The following DNAH7 variants were observed in gnomAD, a reference collection of about 807,000 sequenced individuals.
DNAH7 encodes axonemal beta dynein heavy chain 7.
Under a neutral mutation model 444.6 loss-of-function variants are expected in DNAH7, and 397 were observed. The ratio of observed to expected loss-of-function variants is 0.89; its 90% CI spans 0.82 to 0.97. DNAH7 has a LOEUF of 0.97. Among genes scored for constraint, DNAH7 ranks in the 50% least tolerant of loss-of-function variants. The pLI is 0.00. For missense variants in DNAH7, 4,902 were observed against 4,800.8 expected, an observed-to-expected ratio of 1.02 and a Z score of -0.62; for synonymous variants, 1,636 against 1,624.4, an observed-to-expected ratio of 1.01 and a Z score of -0.17.
rs1285427708 is a variant in DNAH7 at position 196,036,978 on chromosome 2, C to T, written c.399-8931G>A. On this transcript the variant is annotated intron_variant, in intron 5 of 64. Coordinates refer to ENST00000312428, the MANE Select transcript of DNAH7 (RefSeq NM_018897.3). ...ACACACCCCTCCTGGGACCCAGATA[C>T]TGCCCTCCATGAGTCATACCAAATC... is the stretch of plus-strand genomic sequence containing the variant. 2.0e-5 allele frequency among the ~76,000 whole-genome samples: 3 copies of T among 152,048 alleles called. 1 individual carries two copies. The highest frequency in any genetic ancestry group is 4.1e-4 in the South Asian group (2 of 4,820).
At chr2:196,027,737 G>C (rs1695779418) in intron 6 of DNAH7, among the ~76,000 whole-genome samples, 1 of 152,032 alleles carries the variant, frequency 6.6e-6, no homozygotes, top group Admixed American at 6.6e-5. Context: ...TTAATATGGA[G>C]AGCAGGTAGA....
At chr2:195,923,313 T>C (rs986214643) in intron 23 of DNAH7, among the ~76,000 whole-genome samples, 2 of 152,184 alleles carry the variant, frequency 1.3e-5, no homozygotes, top group African/African-American at 4.8e-5. Context: ...TTAAAATGAG[T>C]AATTTTTGAT....
intron 47 of DNAH7, among the ~76,000 whole-genome samples, chr2:195,841,353 C>A (rs1698673919): frequency 6.6e-6 from 1 of 151,638 alleles, no homozygotes; most frequent in Non-Finnish European, 1.5e-5. Flanking sequence ...ATAACTATAT[C>A]AAACTTATTT....
chr2:195,922,080 G>T lies in DNAH7; in HGVS notation c.3935+8C>A. 6.7e-7 allele frequency: 1 copy of T among 1,500,104 alleles called. No individual in the cohort carries two copies. Among genetic ancestry groups the T allele is most frequent in the Non-Finnish European group, 9.3e-7 (1 of 1,077,142 alleles). The allele number at this position is 1,500,104 out of a possible 1,614,324, so 92.9% of individuals were successfully genotyped here. On this transcript the variant is annotated splice_region_variant and intron_variant, in intron 24 of 64. Coordinates refer to ENST00000312428, the MANE Select transcript of DNAH7 (RefSeq NM_018897.3). ...ATTTCCAATAGATCCTTAAATTAAA[G>T]GGTTTACCTGTAACATCTATCCGTG...
At position 195,803,927 on chromosome 2, in the gene DNAH7, T is replaced by C. The variant is rs568719615; in HGVS notation, c.10176+2813A>G. On this transcript the variant is annotated intron_variant, in intron 54 of 64. Coordinates refer to ENST00000312428, the MANE Select transcript of DNAH7 (RefSeq NM_018897.3). ...TAAACTATTAAATTCTAAAGGAAAG[T>C]GCAAGCCCATCTCATTTTTTCTACT... Among the ~76,000 whole-genome samples, 35 of 152,350 alleles carry C rather than the reference T, an allele frequency of 2.3e-4. No homozygotes were observed. The South Asian group carries it at 6.0e-3, about 26-fold the overall frequency.
At chr2:195,850,630 A>C (rs1249179447) in intron 46 of DNAH7, among the ~76,000 whole-genome samples, 2 of 152,150 alleles carry the variant, frequency 1.3e-5, no homozygotes, top group African/African-American at 4.8e-5. Context: ...TCAAGCTTGG[A>C]GGGGAAATGC....
chr2:195,785,295 G>A (rs879689729), intron 58 of DNAH7, among the ~76,000 whole-genome samples: 5 of 151,968 alleles, frequency 3.3e-5, no homozygotes, highest in East Asian at 3.9e-4. Flanking sequence ...GTCCTTTTTC[G>A]GATACGTCTT....
intron 12 of DNAH7, among the ~76,000 whole-genome samples, chr2:195,990,858 TATAC>T (rs1235988359): frequency 2.1e-5 from 3 of 144,828 alleles, no homozygotes; most frequent in Admixed American, 1.4e-4. Flanking sequence ...CTTAAATATA[TATAC>T]ATATATACTT....
At chr2:195,798,636 T>C (rs1696287753) in intron 55 of DNAH7, among the ~76,000 whole-genome samples, 1 of 147,056 alleles carries the variant, frequency 6.8e-6, no homozygotes, top group Admixed American at 7.0e-5. Context: ...CTCAGCCTCC[T>C]GGGTTCACGC....
At chr2:195,953,328 C>A (rs904828949) in intron 19 of DNAH7, among the ~76,000 whole-genome samples, 2 of 152,248 alleles carry the variant, frequency 1.3e-5, no homozygotes, top group Admixed American at 6.5e-5. Context: ...GAGGGGCACC[C>A]GCCAGATGCC....
At chr2:196,017,833 AT>A (rs1453037081) in intron 9 of DNAH7, among the ~76,000 whole-genome samples, 2 of 152,174 alleles carry the variant, frequency 1.3e-5, no homozygotes, top group African/African-American at 4.8e-5. Flanking sequence ...TGTTAAAAAA[AT>A]AAAAAAATTT....
chr2:195,923,243 A>T (rs1243110657), intron 23 of DNAH7, among the ~76,000 whole-genome samples: 4 of 152,108 alleles, frequency 2.6e-5, no homozygotes, highest in Non-Finnish European at 5.9e-5. Context: ...GAACCTAAAA[A>T]CACAATTTTA....
chr2:195,817,618 A>G, intron 50 of DNAH7, 78 bp downstream of exon 50: 1 of 1,402,106 alleles, frequency 7.1e-7, no homozygotes, highest in East Asian at 2.3e-5. Context: ...CTAACAAAAG[A>G]GATCTGTAAA....
At chr2:195,753,890 T>C (rs1396993933) in intron 63 of DNAH7, among the ~76,000 whole-genome samples, 1 of 152,214 alleles carries the variant, frequency 6.6e-6, no homozygotes, top group Non-Finnish European at 1.5e-5. Context: ...CTTAGGATTC[T>C]ATGAAGGTAT....
chr2:195,882,011 C>T lies in DNAH7; in HGVS notation c.5764-19G>A, dbSNP rs761373253. 8 of 1,599,940 alleles carry T rather than the reference C, an allele frequency of 5.0e-6. No homozygotes were observed. Among genetic ancestry groups the T allele is most frequent in the Non-Finnish European group, 6.8e-6 (8 of 1,168,746 alleles). ...CTATTCCCTGTTTATAATTAACAAC[C>T]AAGTAATGAATGCTATAAAATACTT... On this transcript the variant is annotated intron_variant, in intron 35 of 64. Coordinates refer to ENST00000312428, the MANE Select transcript of DNAH7 (RefSeq NM_018897.3).
chr2:195,923,547 T>C, intron 23 of DNAH7, 48 bp downstream of exon 23: 1 of 1,575,740 alleles, frequency 6.3e-7, no homozygotes, highest in Non-Finnish European at 8.7e-7. Flanking sequence ...AATTTAAAAC[T>C]ACGAGCTGAA....
chr2:195,878,487 C>A (rs59987538), intron 36 of DNAH7, among the ~76,000 whole-genome samples: 8,807 of 152,092 alleles, frequency 0.058, 318 homozygotes, highest in African/African-American at 0.11. Context: ...GTAGTCCCAG[C>A]TACTTGGGAG....
intron 61 of DNAH7, among the ~76,000 whole-genome samples, chr2:195,765,322 G>A (rs766935375): frequency 6.6e-6 from 1 of 152,118 alleles, no homozygotes; most frequent in African/African-American, 2.4e-5. Context: ...ATTGGGCAAA[G>A]ATTCCTTGAG....
intron 2 of DNAH7, among the ~76,000 whole-genome samples, chr2:196,052,460 GA>G (rs1354173529): frequency 6.6e-6 from 1 of 152,174 alleles, no homozygotes; most frequent in African/African-American, 2.4e-5. Flanking sequence ...AAAACACAAA[GA>G]ATGTAAATTA....
Sources: allele counts gnomAD v4.1 joint callset (sites outside exome capture counted in the v4.1 genomes callset), GRCh38; gene constraint gnomAD v4.1.1; transcripts MANE v1.5; gene names NCBI Gene and HGNC (gene_info 2026-07-23, HGNC 2026-07-21).